The following OSBP2 variants were observed in gnomAD, a reference collection of about 807,000 sequenced individuals.
OSBP2 encodes the protein oxysterol binding protein 2, also known as oxysterol-binding protein 2.
OSBP2 carries 66 observed loss-of-function variants against 96.0 expected under a neutral mutation model. The observed-to-expected ratio is 0.69, with a 90% CI of 0.56 to 0.84. The LOEUF is 0.84. OSBP2 is among the 40% of genes least tolerant of loss of function. OSBP2 has a pLI of 0.00. For synonymous variants in OSBP2, 525 were observed against 520.9 expected, an observed-to-expected ratio of 1.01 and a Z score of -0.11; for missense variants, 1,038 against 1,222.7, an observed-to-expected ratio of 0.85 and a Z score of 2.25.
At chr22:30,899,579 T>C (rs1451157529) in intron 12 of OSBP2, among the ~76,000 whole-genome samples, 2 of 152,136 alleles carry the variant, frequency 1.3e-5, no homozygotes, top group African/African-American at 2.4e-5. Context: ...TCCAATTTCA[T>C]ATAAAGTGTT....
intron 2 of OSBP2, among the ~76,000 whole-genome samples, chr22:30,846,208 G>A (rs977144132): frequency 6.6e-6 from 1 of 151,976 alleles, no homozygotes; most frequent in Non-Finnish European, 1.5e-5. Flanking sequence ...GTGCAGTGGT[G>A]TAATCTTGGC....
At chr22:30,815,363 ACCCC>A in intron 2 of OSBP2, among the ~76,000 whole-genome samples, 1 of 152,012 alleles carries the variant, frequency 6.6e-6, no homozygotes, top group Non-Finnish European at 1.5e-5. Flanking sequence ...CTGTGTCCCC[ACCCC>A]ATGGCCTCAT....
intron 1 of OSBP2, among the ~76,000 whole-genome samples, chr22:30,730,810 T>TATA (rs1491091512): frequency 1.8e-4 from 10 of 54,770 alleles, no homozygotes; most frequent in African/African-American, 7.3e-4. Flanking sequence ...ATATATATAA[T>TATA]TTTTTTTTTT....
At position 30,894,010 on chromosome 22, in the gene OSBP2, G is replaced by T. The variant is rs992913872; in HGVS notation, c.2375+9G>T. 6.3e-7 allele frequency: 1 copy of T among 1,580,072 alleles called. No individual in the cohort carries two copies. Among genetic ancestry groups the T allele is most frequent in the South Asian group, 1.1e-5 (1 of 87,008 alleles). On this transcript the variant is annotated intron_variant, in intron 12 of 13. Transcript: ENST00000332585. ...AAGAAGTACCCGCTGCCGTGAGTAG[G>T]GCTGGCAGGGGCCCCGCCACAGGCA...
At position 30,822,700 on chromosome 22, in the gene OSBP2, T is replaced by A. The variant is rs2038305144; in HGVS notation, c.854-47729T>A. On this transcript the variant is annotated intron_variant, in intron 2 of 13. Coordinates refer to ENST00000332585, the MANE Select transcript of OSBP2 (RefSeq NM_030758.4). ...CTGCAGCTCCGGCTGCCTGAATAAATTTAAGAAGGGTTAGTGCTTGCCGGG... is the reference window on the plus strand; with the variant it reads ...CTGCAGCTCCGGCTGCCTGAATAAAATTAAGAAGGGTTAGTGCTTGCCGGG... 3 of 1,532,408 alleles carry A rather than the reference T, an allele frequency of 2.0e-6. No individual in the cohort carries two copies. The African/African-American group carries it at 4.1e-5, about 21-fold the overall frequency. The allele number at this position is 1,532,408 out of a possible 1,614,324, so 94.9% of individuals were successfully genotyped here.
At chr22:30,767,138 CAAAAAAAAAA>C (rs1156950666) in intron 2 of OSBP2, among the ~76,000 whole-genome samples, 162 of 78,462 alleles carry the variant, frequency 2.1e-3, no homozygotes, top group African/African-American at 7.1e-3. Context: ...ACTAAAAATA[CAAAAAAAAAA>C]AAAAAAAAAA....
chr22:30,870,356 C>T lies in OSBP2; in HGVS notation c.854-73C>T, dbSNP rs998060339. On this transcript the variant is annotated intron_variant, in intron 2 of 13. Coordinates refer to ENST00000332585, the MANE Select transcript of OSBP2 (RefSeq NM_030758.4). The surrounding 1 kb of genome is among the most constrained non-coding windows in gnomAD (Gnocchi z 4.1). ...ATGGCGCTATCCACCCTGCCCTGCTCGGCCTGGCTGTGCAGGCCTCTTGGT... is the reference window on the plus strand; with the variant it reads ...ATGGCGCTATCCACCCTGCCCTGCTTGGCCTGGCTGTGCAGGCCTCTTGGT... 40 of 1,500,016 alleles carry T rather than the reference C, an allele frequency of 2.7e-5. No individual in the cohort carries two copies. Among genetic ancestry groups the T allele is most frequent in the Middle Eastern group, 1.7e-4 (1 of 5,806 alleles). The allele number at this position is 1,500,016 out of a possible 1,614,324, so 92.9% of individuals were successfully genotyped here.
intron 1 of OSBP2, among the ~76,000 whole-genome samples, chr22:30,723,560 T>C (rs996956452): frequency 4.0e-5 from 6 of 151,724 alleles, no homozygotes; most frequent in African/African-American, 7.3e-5. Flanking sequence ...ATTACTGGCG[T>C]GTGCCACCAC....
chr22:30,778,487 G>A (rs902296800), intron 2 of OSBP2, among the ~76,000 whole-genome samples: 2 of 152,120 alleles, frequency 1.3e-5, no homozygotes, highest in Admixed American at 6.6e-5. Context: ...CTGCCGTCCA[G>A]TGGTTGGACA....
At chr22:30,760,493 T>G (rs1403235645) in intron 2 of OSBP2, among the ~76,000 whole-genome samples, 1 of 152,108 alleles carries the variant, frequency 6.6e-6, no homozygotes, top group African/African-American at 2.4e-5. Context: ...GAGTGCAAGA[T>G]AGGTGCAAGA....
chr22:30,896,944 G>A (rs1031334093), intron 12 of OSBP2, among the ~76,000 whole-genome samples: 4 of 152,062 alleles, frequency 2.6e-5, no homozygotes. Flanking sequence ...CACCATGCCC[G>A]GCCTAACTGG....
At chr22:30,795,335 A>G (rs547541970) in intron 2 of OSBP2, among the ~76,000 whole-genome samples, 11 of 152,166 alleles carry the variant, frequency 7.2e-5, no homozygotes, top group African/African-American at 2.6e-4. Context: ...CTTTCACCAT[A>G]TTTGGGAAAA....
In OSBP2 at chr22:30,790,513, G is replaced by A. The variant is rs961299466; in HGVS notation, c.853+49144G>A. Among the ~76,000 whole-genome samples, 6 of 152,194 alleles carry A rather than the reference G, an allele frequency of 3.9e-5. No homozygotes were observed. In the East Asian group the frequency reaches 1.2e-3, roughly 29 times the overall value. ...TGGTAGCTGCACTTGGAGAGATTGTGTGTGTGCGCACACACATGTGGTTGC... is the reference window on the plus strand; with the variant it reads ...TGGTAGCTGCACTTGGAGAGATTGTATGTGTGCGCACACACATGTGGTTGC... On this transcript the variant is annotated intron_variant, in intron 2 of 13. Coordinates refer to ENST00000332585, the MANE Select transcript of OSBP2 (RefSeq NM_030758.4).
chr22:30,800,500 G>A (rs1161202073), intron 2 of OSBP2, among the ~76,000 whole-genome samples: 2 of 152,144 alleles, frequency 1.3e-5, no homozygotes, highest in Non-Finnish European at 2.9e-5. Flanking sequence ...AGGGCGGACG[G>A]GGGATTTGCT....
intron 2 of OSBP2, among the ~76,000 whole-genome samples, chr22:30,861,175 A>G (rs753909654): frequency 2.2e-4 from 34 of 152,198 alleles, no homozygotes; most frequent in Non-Finnish European, 3.5e-4. Context: ...CTGAGAAGTC[A>G]TAAGACTCAG....
At chr22:30,705,326 T>C (rs1330231645) in intron 1 of OSBP2, among the ~76,000 whole-genome samples, 1 of 152,014 alleles carries the variant, frequency 6.6e-6, no homozygotes, top group African/African-American at 2.4e-5. Flanking sequence ...GGAGTTTTGC[T>C]CTTGTTACCC....
At chr22:30,710,879 G>A (rs2089335257) in intron 1 of OSBP2, among the ~76,000 whole-genome samples, 1 of 152,122 alleles carries the variant, frequency 6.6e-6, no homozygotes, top group African/African-American at 2.4e-5. Flanking sequence ...CCAAAGTGCT[G>A]GGATTACAGG....
intron 2 of OSBP2, among the ~76,000 whole-genome samples, chr22:30,799,430 G>C (rs1371997369): frequency 3.3e-5 from 5 of 152,228 alleles, no homozygotes; most frequent in Admixed American, 2.0e-4. Context: ...AGCCTGCAAG[G>C]GTTTGTTTCT....
At chr22:30,801,976 G>C (rs136264) in intron 2 of OSBP2, among the ~76,000 whole-genome samples, 80,150 of 151,908 alleles carry the variant, frequency 0.53, 22,463 homozygotes, top group African/African-American at 0.73. Flanking sequence ...GACCCTGTCT[G>C]TACATAAATA....
Sources: allele counts gnomAD v4.1 joint callset (sites outside exome capture counted in the v4.1 genomes callset), GRCh38; gene constraint gnomAD v4.1.1; non-coding constraint Gnocchi (gnomAD v3.1); transcripts MANE v1.5; gene names NCBI Gene and HGNC (gene_info 2026-07-23, HGNC 2026-07-21).